Variants in CAST observed in about 807,000 individuals in gnomAD.
CAST encodes MIR583 host.
CAST carries 76 observed loss-of-function variants against 119.6 expected under a neutral mutation model. The ratio of observed to expected loss-of-function variants is 0.64; its 90% CI spans 0.53 to 0.77. CAST has a LOEUF of 0.77. Among genes scored for constraint, CAST ranks in the 30% least tolerant of loss-of-function variants. CAST has a pLI of 0.00. For missense variants in CAST, 953 were observed against 946.5 expected (o/e 1.01, Z -0.09); for synonymous variants, 319 against 331.6 (o/e 0.96, Z 0.41).
the CAST span, among the ~76,000 whole-genome samples, chr5:96,163,946 A>G: frequency 4.6e-5 from 7 of 152,188 alleles, no homozygotes; most frequent in Non-Finnish European, 1.0e-4. Context: ...CACATTACTT[A>G]GTATCTCTGT....
At chr5:95,979,389 T>G in the CAST span, among the ~76,000 whole-genome samples, 1 of 152,198 alleles carries the variant, frequency 6.6e-6, no homozygotes, top group African/African-American at 2.4e-5. Context: ...TCTCTTCAGT[T>G]ACACATGACA....
the CAST span, among the ~76,000 whole-genome samples, chr5:96,149,822 CT>C: frequency 6.6e-6 from 1 of 152,182 alleles, no homozygotes; most frequent in Non-Finnish European, 1.5e-5. Flanking sequence ...CATTTTTGGA[CT>C]TGAAACAAAA....
At chr5:96,169,738 T>G in the CAST span, among the ~76,000 whole-genome samples, 1 of 151,836 alleles carries the variant, frequency 6.6e-6, no homozygotes, top group African/African-American at 2.4e-5. Flanking sequence ...GTGGTTTAAG[T>G]TGGGGAGATA....
the CAST span, among the ~76,000 whole-genome samples, chr5:96,315,205 AT>A: frequency 1.3e-5 from 2 of 152,264 alleles, no homozygotes; most frequent in African/African-American, 4.8e-5. Flanking sequence ...GGACTGTGGG[AT>A]TAAACAATTG....
chr5:96,384,233 T>C, the CAST span, among the ~76,000 whole-genome samples: 3 of 152,280 alleles, frequency 2.0e-5, no homozygotes, highest in African/African-American at 7.2e-5. Context: ...GATAATTCCT[T>C]CCAGTTCTGA....
chr5:96,451,616 T>C, the CAST span, among the ~76,000 whole-genome samples: 2 of 152,158 alleles, frequency 1.3e-5, no homozygotes, highest in Admixed American at 6.5e-5. Flanking sequence ...TCAAAAGCAA[T>C]GGCAACAAAA....
the CAST span, chr5:96,213,266 T>G: frequency 6.6e-6 from 1 of 152,202 alleles, no homozygotes; most frequent in African/African-American, 2.4e-5. Flanking sequence ...ATATGTCTTT[T>G]TCTATCCATT....
chr5:96,362,036 A>C, the CAST span, among the ~76,000 whole-genome samples: 1 of 151,380 alleles, frequency 6.6e-6, no homozygotes, highest in Non-Finnish European at 1.5e-5. Flanking sequence ...TCCTGTGTCC[A>C]GGTGTTCTCA....
chr5:96,665,353 T>A (rs1466844143), intron 1 of CAST, among the ~76,000 whole-genome samples: 1 of 152,216 alleles, frequency 6.6e-6, no homozygotes, highest in Non-Finnish European at 1.5e-5. Context: ...AATCAGTGTA[T>A]AAGCCATTGA....
the CAST span, among the ~76,000 whole-genome samples, chr5:96,292,872 T>C: frequency 6.6e-6 from 1 of 152,218 alleles, no homozygotes; most frequent in African/African-American, 2.4e-5. Flanking sequence ...AAAGCCTGTA[T>C]ACATGAAACA....
chr5:96,678,596 G>C (rs1750975897), intron 2 of CAST, among the ~76,000 whole-genome samples: 1 of 152,110 alleles, frequency 6.6e-6, no homozygotes, highest in South Asian at 2.1e-4. Context: ...TGTAATCCCA[G>C]CACTTTGGGA....
At chr5:96,238,371 T>A in the CAST span, among the ~76,000 whole-genome samples, 3 of 114,124 alleles carry the variant, frequency 2.6e-5, no homozygotes, top group East Asian at 5.0e-4. Context: ...CTTCTCCTTC[T>A]TCTCCTTCTT....
the CAST span, among the ~76,000 whole-genome samples, chr5:96,097,805 T>C: frequency 2.0e-5 from 3 of 152,206 alleles, no homozygotes; most frequent in African/African-American, 7.2e-5. Flanking sequence ...CATGCATGCA[T>C]CTTTATAATA....
the CAST span, among the ~76,000 whole-genome samples, chr5:96,061,148 G>A: frequency 1.3e-5 from 2 of 152,030 alleles, no homozygotes; most frequent in Admixed American, 6.6e-5. Flanking sequence ...ATTTTTGGAG[G>A]GGACACAAAA....
intron 9 of CAST, among the ~76,000 whole-genome samples, chr5:96,735,033 A>G (rs922830660): frequency 4.6e-5 from 7 of 152,154 alleles, no homozygotes; most frequent in Admixed American, 1.3e-4. Context: ...GAATATCTGC[A>G]TGAGGTAGTG....
At chr5:96,380,856 A>C in the CAST span, among the ~76,000 whole-genome samples, 1 of 152,230 alleles carries the variant, frequency 6.6e-6, no homozygotes, top group Non-Finnish European at 1.5e-5. Context: ...TGGGGGTTAC[A>C]AAATTACGCG....
chr5:96,682,351 AT>A (rs1476351413), intron 2 of CAST, among the ~76,000 whole-genome samples: 7 of 152,226 alleles, frequency 4.6e-5, no homozygotes, highest in African/African-American at 1.7e-4. Flanking sequence ...ACAGGTTTAA[AT>A]TTTGGTTTTC....
the CAST span, among the ~76,000 whole-genome samples, chr5:96,448,150 C>T: frequency 6.6e-6 from 1 of 152,186 alleles, no homozygotes; most frequent in South Asian, 2.1e-4. Context: ...TTGAAAGCTA[C>T]TGCTCATTGC....
the CAST span, among the ~76,000 whole-genome samples, chr5:96,518,396 G>C: frequency 6.6e-6 from 1 of 152,194 alleles, no homozygotes; most frequent in Non-Finnish European, 1.5e-5. Context: ...GAGGGTGAGA[G>C]ACTCGTGCTT....
Sources: allele counts gnomAD v4.1 joint callset (sites outside exome capture counted in the v4.1 genomes callset), GRCh38; gene constraint gnomAD v4.1.1; transcripts MANE v1.5; gene names NCBI Gene and HGNC (gene_info 2026-07-23, HGNC 2026-07-21).